Variants in TGDS observed in about 807,000 individuals in gnomAD.
TGDS encodes the protein UDP-D-glucose 4,6-dehydratase.
TGDS carries 47 observed loss-of-function variants against 52.3 expected under a neutral mutation model. The ratio of observed to expected loss-of-function variants is 0.90; its 90% CI spans 0.71 to 1.15. The LOEUF (loss-of-function observed/expected upper bound fraction) is 1.15. Among genes scored for constraint, TGDS ranks in the 50% most tolerant of loss-of-function variants. The pLI is 0.00. For synonymous variants in TGDS, 115 were observed against 136.9 expected (o/e 0.84, Z 1.12); for missense variants, 375 against 418.4 (o/e 0.90, Z 0.90).
At chr13:94,595,855 G>T (rs185363189) in intron 1 of TGDS, 196 bp downstream of exon 1, 235 of 640,858 alleles carry the variant, frequency 3.7e-4, no homozygotes, top group African/African-American at 3.6e-3. Flanking sequence ...GCGTTTTAAA[G>T]AAGTCAGTTT....
chr13:94,586,399 C>T (rs1483728040), intron 4 of TGDS, among the ~76,000 whole-genome samples: 1 of 152,098 alleles, frequency 6.6e-6, no homozygotes, highest in Non-Finnish European at 1.5e-5. Flanking sequence ...TAAAGCAGTA[C>T]ACATCACCGG....
rs1386479096 is a variant in TGDS at position 94,574,484 on chromosome 13, A to G, written c.*298T>C. 5 of 259,252 alleles carry G rather than the reference A, an allele frequency of 1.9e-5. No homozygotes were observed. Among genetic ancestry groups the G allele is most frequent in the Non-Finnish European group, 2.9e-5 (4 of 137,898 alleles). 16.1% of individuals were successfully genotyped at this position (259,252 alleles called of 1,614,324 possible). ...CTTCTCCCTAGCACCACTACCCCTC[A>G]TGGTTGTCCGAATCAGGAGACTTCT... On this transcript the variant is annotated 3_prime_UTR_variant, in exon 12 of 12. Transcript: ENST00000261296.
At position 94,590,938 on chromosome 13, in the gene TGDS, G is replaced by T. The variant is rs779545186; in HGVS notation, c.228C>A (p.Asp76Glu). 6.4e-7 allele frequency: 1 copy of T among 1,569,158 alleles called. No homozygotes were observed. ...GTTTCACAAAGTGAGAATCACATAT[G>T]TCACCCTATATGAAAAAGCAAACAT... is the stretch of plus-strand genomic sequence containing the variant. ...NKQNYKFIQG[D>E]ICDSHFVKLL... The change falls in exon 4 of 12, where the codon GAC (aspartate) becomes GAA (glutamate). Residue 76 changes from aspartate to glutamate, a missense_variant. Physicochemically the swap from Asp to Glu is conservative, Grantham distance 45. Coordinates refer to ENST00000261296, the MANE Select transcript of TGDS (RefSeq NM_014305.4).
At chr13:94,577,297 G>A in intron 10 of TGDS, 74 bp downstream of exon 10, 1 of 1,179,260 alleles carries the variant, frequency 8.5e-7, no homozygotes, top group Non-Finnish European at 1.2e-6. Context: ...TATTGGTCAA[G>A]TCCACATATT....
At chr13:94,583,026 T>TGTA in intron 5 of TGDS, 68 bp downstream of exon 5, 12 of 1,544,724 alleles carry the variant, frequency 7.8e-6, no homozygotes, top group Non-Finnish European at 1.1e-5. Flanking sequence ...AAAAGCCCAG[T>TGTA]GTAGGTTTAA....
At chr13:94,589,540 T>C (rs1425121608) in intron 4 of TGDS, among the ~76,000 whole-genome samples, 6 of 152,156 alleles carry the variant, frequency 3.9e-5, no homozygotes, top group African/African-American at 1.4e-4. Flanking sequence ...GGTCTCGATT[T>C]CCTGACCTCG....
chr13:94,575,193 T>C (rs1470041468), intron 11 of TGDS, among the ~76,000 whole-genome samples: 1 of 152,026 alleles, frequency 6.6e-6, no homozygotes, highest in Non-Finnish European at 1.5e-5. Context: ...GTTTTAAGGT[T>C]ATTTTATATA....
chr13:94,577,479 G>C (rs1277728347), intron 9 of TGDS, 50 bp from the exon 10 acceptor site: 1 of 1,463,298 alleles, frequency 6.8e-7, no homozygotes, highest in African/African-American at 1.4e-5. Context: ...TGAGATCAGA[G>C]AATAACAATA....
chr13:94,595,441 G>C (rs1250894386), intron 1 of TGDS, among the ~76,000 whole-genome samples: 2 of 152,174 alleles, frequency 1.3e-5, no homozygotes, highest in African/African-American at 4.8e-5. Flanking sequence ...AGGAACATGA[G>C]TGGACGCAGT....
chr13:94,593,948 C>G (rs772408090), intron 1 of TGDS, 41 bp from the exon 2 acceptor site: 1 of 1,222,990 alleles, frequency 8.2e-7, no homozygotes, highest in Admixed American at 2.4e-5. Context: ...AAAACTTTAA[C>G]TTCCCTAAAC....
chr13:94,577,262 GA>G (rs1888634983), intron 10 of TGDS, 108 bp downstream of exon 10: 1 of 819,476 alleles, frequency 1.2e-6, no homozygotes, highest in African/African-American at 1.8e-5. Context: ...TGTTTTACCA[GA>G]AAATTCAAAA....
chr13:94,580,048 C>G, intron 6 of TGDS, 95 bp from the exon 7 acceptor site: 2 of 760,428 alleles, frequency 2.6e-6, no homozygotes, highest in Non-Finnish European at 4.3e-6. Context: ...GGCACCTTTG[C>G]CTAAATAATT....
At chr13:94,583,534 T>TA (rs925946251) in intron 4 of TGDS, among the ~76,000 whole-genome samples, 2 of 151,976 alleles carry the variant, frequency 1.3e-5, no homozygotes, top group African/African-American at 4.8e-5. Context: ...GTTTTTAAAT[T>TA]AAAAAAAATT....
chr13:94,576,646 G>T (rs192856537), intron 10 of TGDS, among the ~76,000 whole-genome samples: 20 of 151,726 alleles, frequency 1.3e-4, no homozygotes, highest in Admixed American at 2.6e-4. Flanking sequence ...TTTCAGCCAC[G>T]ATCTAGATAT....
At chr13:94,585,508 A>C (rs1888943467) in intron 4 of TGDS, among the ~76,000 whole-genome samples, 1 of 152,108 alleles carries the variant, frequency 6.6e-6, no homozygotes, top group African/African-American at 2.4e-5. Flanking sequence ...GATCAATTTA[A>C]AATTCCAGGC....
At chr13:94,595,977 AG>A (rs1221380042) in intron 1 of TGDS, 73 bp downstream of exon 1, 1 of 1,577,232 alleles carries the variant, frequency 6.3e-7, no homozygotes, top group Non-Finnish European at 8.7e-7. Context: ...CAAATTACCT[AG>A]GGCAAGCAGA....
chr13:94,580,971 C>T (rs939329648), intron 6 of TGDS, 120 bp downstream of exon 6: 13 of 564,014 alleles, frequency 2.3e-5, no homozygotes, highest in South Asian at 8.9e-5. Flanking sequence ...CGACTGTCTC[C>T]GAACAATAAA....
chr13:94,574,825 T>C lies in TGDS; in HGVS notation c.1010A>G (p.Asn337Ser), dbSNP rs1359364582. The C allele has an allele frequency of 6.2e-7, 1 of 1,606,098 alleles. No individual in the cohort carries two copies. Among genetic ancestry groups the C allele is most frequent in the Non-Finnish European group, 8.5e-7 (1 of 1,174,320 alleles). The change falls in exon 12 of 12, where the codon AAC (asparagine) becomes AGC (serine). Residue 337 changes from asparagine (N) to serine (S), a missense_variant. By Grantham distance (46) the Asn-to-Ser change is conservative (BLOSUM62 1). Transcript: ENST00000261296. ...TIEWYRENFH[N>S]WKNVEKALEP... ...TAATGCCTTTTCCACATTCTTCCAGTTGTGAAAATTCTCTCTGTACCATTC... is the reference window on the plus strand; with the variant it reads ...TAATGCCTTTTCCACATTCTTCCAGCTGTGAAAATTCTCTCTGTACCATTC...
chr13:94,592,690 G>C (rs1307026338), intron 2 of TGDS, among the ~76,000 whole-genome samples: 6 of 152,096 alleles, frequency 3.9e-5, no homozygotes, highest in Non-Finnish European at 4.4e-5. Context: ...TCCTGACCTT[G>C]TGATCCGCCT....
Sources: allele counts gnomAD v4.1 joint callset (sites outside exome capture counted in the v4.1 genomes callset), GRCh38; gene constraint gnomAD v4.1.1; transcripts MANE v1.5; gene names NCBI Gene and HGNC (gene_info 2026-07-23, HGNC 2026-07-21).